The following NRG3 variants were observed in gnomAD, a reference collection of about 807,000 sequenced individuals.
The protein encoded by NRG3 is pro-neuregulin-3, membrane-bound isoform.
A neutral mutation model predicts 66.9 loss-of-function variants in NRG3; 31 were observed. The ratio of observed to expected loss-of-function variants is 0.46; its 90% CI spans 0.35 to 0.63. The LOEUF (loss-of-function observed/expected upper bound fraction) is 0.63, where lower values mean the gene tolerates loss of function less well. Ranked by LOEUF, NRG3 falls within the 20% of genes least tolerant of loss-of-function variation. The pLI is 0.00. For synonymous variants in NRG3, 393 were observed against 359.4 expected (o/e 1.09, Z -1.06); for missense variants, 910 against 878.9 (o/e 1.04, Z -0.45).
chr10:82,123,156 C>T (rs2068203555), intron 1 of NRG3, among the ~76,000 whole-genome samples: 1 of 151,902 alleles, frequency 6.6e-6, no homozygotes, highest in Non-Finnish European at 1.5e-5. Flanking sequence ...AGTAGTATAC[C>T]CAGAGTACCT....
At chr10:82,878,428 A>G (rs1028358859) in intron 4 of NRG3, among the ~76,000 whole-genome samples, 4 of 152,238 alleles carry the variant, frequency 2.6e-5, no homozygotes, top group East Asian at 1.9e-4. Flanking sequence ...ATCCTAGCTA[A>G]TGGAACAAAC....
chr10:81,949,295 C>T (rs1232497766), intron 1 of NRG3, among the ~76,000 whole-genome samples: 3 of 152,152 alleles, frequency 2.0e-5, no homozygotes, highest in Admixed American at 6.6e-5. Flanking sequence ...AAGAAATTAC[C>T]TCCAGGAAGT....
At chr10:82,262,269 T>G (rs781763336) in intron 1 of NRG3, among the ~76,000 whole-genome samples, 8 of 152,178 alleles carry the variant, frequency 5.3e-5, no homozygotes, top group Non-Finnish European at 8.8e-5. Flanking sequence ...AGACAAGGAT[T>G]GGTTGGTAGG....
intron 1 of NRG3, among the ~76,000 whole-genome samples, chr10:82,163,938 T>TGAGAGC (rs2071819611): frequency 1.3e-5 from 2 of 148,924 alleles, no homozygotes; most frequent in African/African-American, 5.0e-5. Flanking sequence ...TTTTTTTTTT[T>TGAGAGC]GAGATGGAGT....
At chr10:82,353,671 G>A (rs1307068330) in intron 1 of NRG3, among the ~76,000 whole-genome samples, 1 of 152,164 alleles carries the variant, frequency 6.6e-6, no homozygotes, top group East Asian at 1.9e-4. Context: ...AGTCCCTGTG[G>A]CCCCTAGTGA....
chr10:81,949,031 A>T (rs746868930), intron 1 of NRG3, among the ~76,000 whole-genome samples: 1 of 152,142 alleles, frequency 6.6e-6, no homozygotes, highest in African/African-American at 2.4e-5. Context: ...TGGCAAAAAC[A>T]TGTGACAATA....
At chr10:82,175,161 CT>C (rs1487590453) in intron 1 of NRG3, among the ~76,000 whole-genome samples, 5 of 152,126 alleles carry the variant, frequency 3.3e-5, no homozygotes, top group Non-Finnish European at 7.4e-5. Context: ...TCTCTGAGTG[CT>C]GCTCTGGGCC....
chr10:82,303,391 T>C (rs905298552), intron 1 of NRG3, among the ~76,000 whole-genome samples: 1 of 151,680 alleles, frequency 6.6e-6, no homozygotes, highest in African/African-American at 2.4e-5. Context: ...TCTTCCCCCT[T>C]ATCCTCTCCA....
chr10:82,146,627 T>C (rs1006905761), intron 1 of NRG3, among the ~76,000 whole-genome samples: 1 of 152,136 alleles, frequency 6.6e-6, no homozygotes, highest in Non-Finnish European at 1.5e-5. Context: ...AATAATAATA[T>C]TGACCATATG....
At chr10:82,821,397 T>A (rs1175309660) in intron 3 of NRG3, among the ~76,000 whole-genome samples, 2 of 152,120 alleles carry the variant, frequency 1.3e-5, no homozygotes, top group African/African-American at 4.8e-5. Flanking sequence ...TTCTTGCCAC[T>A]GCCTTCAAAA....
intron 2 of NRG3, among the ~76,000 whole-genome samples, chr10:82,475,876 G>A (rs907071280): frequency 6.6e-6 from 1 of 152,074 alleles, no homozygotes; most frequent in East Asian, 1.9e-4. Context: ...ATGCATTAAA[G>A]AATGTTATCA....
At chr10:82,787,493 C>T (rs957608106) in intron 3 of NRG3, among the ~76,000 whole-genome samples, 1 of 152,078 alleles carries the variant, frequency 6.6e-6, no homozygotes, top group African/African-American at 2.4e-5. Flanking sequence ...TAGAAATTTT[C>T]CAGGTCTTAG....
chr10:82,132,494 T>TATATATATG (rs1554831212), intron 1 of NRG3, among the ~76,000 whole-genome samples: 28 of 44,380 alleles, frequency 6.3e-4, no homozygotes, highest in Middle Eastern at 0.013. Context: ...ATATATATGA[T>TATATATATG]ATATATATAT....
At chr10:82,489,278 T>G (rs1842917372) in intron 2 of NRG3, among the ~76,000 whole-genome samples, 1 of 152,162 alleles carries the variant, frequency 6.6e-6, no homozygotes, top group Non-Finnish European at 1.5e-5. Flanking sequence ...AACATGTTCT[T>G]AGAGATATAT....
At chr10:82,309,052 C>A (rs548255226) in intron 1 of NRG3, among the ~76,000 whole-genome samples, 13 of 152,232 alleles carry the variant, frequency 8.5e-5, no homozygotes, top group African/African-American at 3.1e-4. Context: ...CATCATTTTT[C>A]TTCTTGGGAT....
chr10:81,961,372 T>C (rs1196518771), intron 1 of NRG3, among the ~76,000 whole-genome samples: 2 of 152,214 alleles, frequency 1.3e-5, no homozygotes, highest in African/African-American at 4.8e-5. Context: ...TATCACATTG[T>C]AGACACCTTG....
intron 1 of NRG3, among the ~76,000 whole-genome samples, chr10:82,153,335 A>C (rs1462772488): frequency 6.6e-6 from 1 of 152,026 alleles, no homozygotes; most frequent in African/African-American, 2.4e-5. Flanking sequence ...TTTACTTAAC[A>C]TAATGTCTTT....
intron 2 of NRG3, among the ~76,000 whole-genome samples, chr10:82,555,103 G>A (rs907014721): frequency 3.3e-5 from 5 of 152,128 alleles, no homozygotes; most frequent in African/African-American, 1.2e-4. Context: ...CATATTTAGA[G>A]GAGATATTGT....
intron 2 of NRG3, among the ~76,000 whole-genome samples, chr10:82,572,178 A>C (rs2133124405): frequency 6.6e-6 from 1 of 151,798 alleles, no homozygotes; most frequent in African/African-American, 2.4e-5. Flanking sequence ...AATATTGTAT[A>C]ATGTATCCTC....
Sources: allele counts gnomAD v4.1 joint callset (sites outside exome capture counted in the v4.1 genomes callset), GRCh38; gene constraint gnomAD v4.1.1; transcripts MANE v1.5; gene names NCBI Gene and HGNC (gene_info 2026-07-23, HGNC 2026-07-21).